Variants in ABCA3 observed in about 807,000 individuals in gnomAD.
ABCA3 encodes the protein ATP binding cassette subfamily A member 3.
In ABCA3, 88 loss-of-function variants were observed where a neutral mutation model predicts 172.8. The ratio of observed to expected loss-of-function variants is 0.51; its 90% CI spans 0.43 to 0.61. The LOEUF (loss-of-function observed/expected upper bound fraction) is 0.61, where lower values mean the gene tolerates loss of function less well. Ranked by LOEUF, ABCA3 falls within the 20% of genes least tolerant of loss-of-function variation. The pLI, the probability that ABCA3 is intolerant of heterozygous loss-of-function variation, is 0.00. For missense variants in ABCA3, 2,164 were observed against 2,301.0 expected (o/e 0.94, Z 1.22); for synonymous variants, 1,066 against 983.8 (o/e 1.08, Z -1.56).
intron 10 of ABCA3, among the ~76,000 whole-genome samples, chr16:2,313,470 T>G (rs1029136087): frequency 1.3e-5 from 2 of 149,962 alleles, no homozygotes; most frequent in Non-Finnish European, 3.0e-5. Flanking sequence ...GGAGAATTGC[T>G]TGAACCCAGG....
chr16:2,325,642 T>G (rs1272817001), intron 5 of ABCA3, among the ~76,000 whole-genome samples: 1 of 152,208 alleles, frequency 6.6e-6, no homozygotes, highest in African/African-American at 2.4e-5. Context: ...CACAGAGGCC[T>G]GGAGACCAGT....
chr16:2,314,525 T>G (rs151058056), intron 10 of ABCA3, among the ~76,000 whole-genome samples: 62 of 148,174 alleles, frequency 4.2e-4, no homozygotes, highest in African/African-American at 1.5e-3. Context: ...ATTCTGGAGG[T>G]GGACATGGGG....
At chr16:2,317,845 C>T in intron 8 of ABCA3, 81 bp from the exon 9 acceptor site, 1 of 1,319,632 alleles carries the variant, frequency 7.6e-7, no homozygotes, top group Non-Finnish European at 1.1e-6. Flanking sequence ...CGGCAGCAGG[C>T]CTGAGTCCGA....
chr16:2,285,567 C>T lies in ABCA3; in HGVS notation c.3358G>A (p.Val1120Ile). 2 of 1,578,698 alleles carry T rather than the reference C, an allele frequency of 1.3e-6. No homozygotes were observed. Among genetic ancestry groups the T allele is most frequent in the South Asian group, 2.3e-5 (2 of 86,484 alleles). ...TTGGCCTGCACGGCCCTCTCGCTGA[C>T]CGCCAGGATGGAGAACGTGCTGGCC... ...FLASTFSILAVSERAVQAKHV... is the reference protein window; with the variant it reads ...FLASTFSILAISERAVQAKHV... The change falls in exon 23 of 33, where the codon GTC (valine) becomes ATC (isoleucine). Residue 1120 changes from valine to isoleucine, a missense_variant. Val to Ile is a conservative substitution (Grantham distance 29). Coordinates refer to ENST00000301732, the MANE Select transcript of ABCA3 (RefSeq NM_001089.3). The surrounding 1 kb of genome is among the most constrained non-coding windows in gnomAD (Gnocchi z 4.7).
chr16:2,324,715 AT>A (rs1596865526), intron 5 of ABCA3, among the ~76,000 whole-genome samples, 184 bp from the exon 6 acceptor site: 1 of 152,112 alleles, frequency 6.6e-6, no homozygotes, highest in East Asian at 1.9e-4. Context: ...GGAGGGCAGA[AT>A]GGCAGGGTCA....
In ABCA3 at chr16:2,319,773, G is replaced by A. The variant is rs45480502; in HGVS notation, c.681C>T (p.Ala227=). 33,799 of 1,613,952 alleles carry A rather than the reference G, an allele frequency of 0.021. 412 individuals carry two copies. The highest frequency in any genetic ancestry group is 0.027 in the Middle Eastern group (163 of 6,062). Residue 227 remains alanine, a synonymous_variant, in exon 8 of 33, where the codon GCC becomes GCT. Coordinates refer to ENST00000301732, the MANE Select transcript of ABCA3 (RefSeq NM_001089.3). ...GGAACAGCTGGCGTGTGGCGGCATC[G>A]GCATGGTACTCCATGATGGCCCGGT... ...AVDRAIMEYH[A]DAATRQLFQR...
chr16:2,316,833 AAG>A (rs1266938675), intron 10 of ABCA3, among the ~76,000 whole-genome samples: 2 of 152,218 alleles, frequency 1.3e-5, no homozygotes, highest in African/African-American at 4.8e-5. Context: ...TCACTAAAAA[AAG>A]AGAAACACAA....
In ABCA3 at chr16:2,336,412, G is replaced by C. The variant is rs1224484236; in HGVS notation, c.-539+4161C>G. ...AATGTGTAAATGCTGTTAATAACTAGGGCCTGAAATATACAGAACTTTTTT... is the reference window on the plus strand; with the variant it reads ...AATGTGTAAATGCTGTTAATAACTACGGCCTGAAATATACAGAACTTTTTT... On this transcript the variant is annotated intron_variant, in intron 1 of 32. Transcript: ENST00000301732. Among the ~76,000 whole-genome samples the C allele has an allele frequency of 2.6e-5, 4 of 151,962 alleles. No homozygotes were observed. In the South Asian group the frequency reaches 8.3e-4, roughly 31 times the overall value.
Position 2,293,367 on chromosome 16 carries a change from CT to C in ABCA3, c.2415-1130del, listed in dbSNP as rs71148126. Among the ~76,000 whole-genome samples, 563 of 103,426 alleles carry C rather than the reference CT, an allele frequency of 5.4e-3. 1 individual carries two copies. The highest frequency in any genetic ancestry group is 7.6e-3 in the Non-Finnish European group (402 of 52,714). 67.9% of individuals were successfully genotyped at this position (103,426 alleles called of 152,430 possible). ...AAGCTACCGTGCCTGGCCAAAATGC[CT>C]TTTTTTTTTTTTTTTTTTTTGGAGA... On this transcript the variant is annotated intron_variant, in intron 18 of 32. Transcript: ENST00000301732.
rs1002550425 is a variant in ABCA3, at chr16:2,325,067, A to G, written c.320-536T>C. 7.2e-5 allele frequency among the ~76,000 whole-genome samples: 11 copies of G among 152,116 alleles called. 1 individual carries two copies. Among genetic ancestry groups the G allele is most frequent in the Non-Finnish European group, 1.5e-4 (10 of 68,002 alleles). ...CCGGGAGGTAAATGCCCAAATGAGG[A>G]GGGGAAAATGGAGGACAGCTTTCAT... is the stretch of plus-strand genomic sequence containing the variant. On this transcript the variant is annotated intron_variant, in intron 5 of 32. Transcript: ENST00000301732.
At position 2,297,619 on chromosome 16, in the gene ABCA3, A is replaced by AG; in HGVS notation, c.2053-81dup. 2 of 1,594,930 alleles carry AG rather than the reference A, an allele frequency of 1.3e-6. No individual in the cohort carries two copies. Among genetic ancestry groups the AG allele is most frequent in the Non-Finnish European group, 1.7e-6 (2 of 1,172,176 alleles). ...GCTGGCCTTGCGGTAGGCCCCATCGAGGGGTTCGCGGAGCCGGCTTGAGTC... is the reference window on the plus strand; with the variant it reads ...GCTGGCCTTGCGGTAGGCCCCATCGAGGGGGTTCGCGGAGCCGGCTTGAGTC... On this transcript the variant is annotated intron_variant, in intron 16 of 32. Transcript: ENST00000301732. The surrounding 1 kb of genome is among the most constrained non-coding windows in gnomAD (Gnocchi z 5.6).
chr16:2,326,012 C>G lies in ABCA3; in HGVS notation c.317G>C (p.Arg106Pro). The G allele has an allele frequency of 1.2e-6, 2 of 1,613,688 alleles. No homozygotes were observed. Among genetic ancestry groups the G allele is most frequent in the Non-Finnish European group, 8.5e-7 (1 of 1,179,968 alleles). ...CCGAGAGCCCCGGCATGTCTCACCT[C>G]GCATGTTGATCACAAGTGCCCTGCG... ...TVRRALVINMRVRGFPSEKDF... is the reference protein window; with the variant it reads ...TVRRALVINMPVRGFPSEKDF... Residue 106 changes from arginine (R) to proline (P), a missense_variant and splice_region_variant, in exon 5 of 33, where the codon CGA (arginine) becomes CCA (proline). Around this residue, in one of 3 missense-constraint regions of ABCA3, gnomAD observed 1,343 missense variants for 1,369.6 expected, o/e 0.98. Coordinates refer to ENST00000301732, the MANE Select transcript of ABCA3 (RefSeq NM_001089.3).
chr16:2,292,216 G>C lies in ABCA3; in HGVS notation c.2437C>G (p.Leu813Val). The C allele has an allele frequency of 6.2e-7, 1 of 1,613,800 alleles. No homozygotes were observed. Among genetic ancestry groups the C allele is most frequent in the Non-Finnish European group, 8.5e-7 (1 of 1,179,830 alleles). The change falls in exon 19 of 33, where the codon CTG becomes GTG. Residue 813 changes from leucine to valine, a missense_variant. Physicochemically the swap from Leu to Val is conservative, Grantham distance 32. This residue lies in a region of ABCA3 where 1,343 missense variants were observed against 1,369.6 expected (regional missense o/e 0.98). Coordinates refer to ENST00000301732, the MANE Select transcript of ABCA3 (RefSeq NM_001089.3). The stretch of plus-strand genomic sequence containing the variant: ...CCCAGCTCTTTCTGCTTCTTCTCCA[G>C]TTTAGCAAAGAGACCTTCAAACCTG... ...THRFEGLFAKLEKKQKELGIA... is the reference protein window; with the variant it reads ...THRFEGLFAKVEKKQKELGIA...
chr16:2,314,821 C>T (rs2093712292), intron 10 of ABCA3, among the ~76,000 whole-genome samples: 1 of 151,610 alleles, frequency 6.6e-6, no homozygotes, highest in African/African-American at 2.4e-5. Flanking sequence ...GATGATCTGC[C>T]AGCCTTGGCC....
chr16:2,338,110 TC>T (rs1206297276), intron 1 of ABCA3, among the ~76,000 whole-genome samples: 1 of 152,102 alleles, frequency 6.6e-6, no homozygotes, highest in Non-Finnish European at 1.5e-5. Context: ...CAATGGAAAG[TC>T]CCCAGAGGGA....
rs190552477 is a variant in ABCA3, at chr16:2,291,043, T to C, written c.2513+1097A>G. Among the ~76,000 whole-genome samples, 7 of 152,086 alleles carry C rather than the reference T, an allele frequency of 4.6e-5. No individual in the cohort carries two copies. In the East Asian group the frequency reaches 1.4e-3, roughly 30 times the overall value. On this transcript the variant is annotated intron_variant, in intron 19 of 32. Coordinates refer to ENST00000301732, the MANE Select transcript of ABCA3 (RefSeq NM_001089.3). ...TGCCACCATGCCCGGCTAATTTTTG[T>C]AGTTTTAGTAGAGATGGTGGCTGGG...
intron 1 of ABCA3, among the ~76,000 whole-genome samples, chr16:2,333,886 C>T (rs1258791335): frequency 6.6e-6 from 1 of 151,952 alleles, no homozygotes; most frequent in Non-Finnish European, 1.5e-5. Context: ...GACAGGGTTT[C>T]ACCATGCTGG....
In ABCA3 at chr16:2,281,524, C is replaced by G. The variant is rs755817779; in HGVS notation, c.4036-15G>C. On this transcript the variant is annotated splice_polypyrimidine_tract_variant and intron_variant, in intron 26 of 32. Coordinates refer to ENST00000301732, the MANE Select transcript of ABCA3 (RefSeq NM_001089.3). The surrounding 1 kb of genome is among the most constrained non-coding windows in gnomAD (Gnocchi z 4.7). ...TATAATTCTGTCTGATTGACCAGGA[C>G]AAAGACCGCATGCGTGAACCCAGCC... 2 of 1,487,260 alleles carry G rather than the reference C, an allele frequency of 1.3e-6. No individual in the cohort carries two copies. Among genetic ancestry groups the G allele is most frequent in the African/African-American group, 2.9e-5 (2 of 69,804 alleles). The allele number at this position is 1,487,260 out of a possible 1,614,324, so 92.1% of individuals were successfully genotyped here. A position where few individuals can be genotyped will look rare whatever the true frequency, so the allele number is the denominator to read the frequency against.
rs1567342781 is a variant in ABCA3 at position 2,297,147 on chromosome 16, C to T, written c.2263+182G>A. 6.6e-6 allele frequency among the ~76,000 whole-genome samples: 1 copy of T among 152,180 alleles called. No homozygotes were observed. Among genetic ancestry groups the T allele is most frequent in the Non-Finnish European group, 1.5e-5 (1 of 68,040 alleles). ...CAAATTGAGACTTTCAGCTCCATTT[C>T]CTGCCTCTTCCCTCTCACAAGCCCC... On this transcript the variant is annotated intron_variant, in intron 17 of 32. Transcript: ENST00000301732. The surrounding 1 kb of genome is among the most constrained non-coding windows in gnomAD (Gnocchi z 5.6).
Sources: gnomAD v4.1 joint callset for allele counts (sites outside exome capture counted in the v4.1 genomes callset) on GRCh38, gnomAD v4.1.1 for gene constraint, gnomAD v4.1.1 regional missense constraint, Gnocchi (gnomAD v3.1) non-coding constraint, MANE v1.5 for transcripts, NCBI Gene and HGNC (gene_info 2026-07-23, HGNC 2026-07-21) for gene names.